Variants in EFR3A observed in about 807,000 individuals in gnomAD.
EFR3A encodes the protein EFR3 homolog A, also known as protein EFR3 homolog A.
Under a neutral mutation model 104.4 loss-of-function variants are expected in EFR3A, and 76 were observed. That is an observed-to-expected ratio of 0.73 (90% confidence interval 0.60 to 0.88). The LOEUF (loss-of-function observed/expected upper bound fraction) is 0.88. Among genes scored for constraint, EFR3A ranks in the 40% least tolerant of loss-of-function variants. The pLI, the probability that EFR3A is intolerant of heterozygous loss-of-function variation, is 0.00. For missense variants in EFR3A, 985 were observed against 1,012.5 expected (o/e 0.97, Z 0.37); for synonymous variants, 330 against 330.0 (o/e 1.00, Z 0.00).
chr8:131,955,983 T>A, intron 7 of EFR3A, 78 bp downstream of exon 7: 1 of 1,500,686 alleles, frequency 6.7e-7, no homozygotes, highest in Admixed American at 1.9e-5. Context: ...AGAGGACAAC[T>A]ACTTTTTTAC....
intron 16 of EFR3A, among the ~76,000 whole-genome samples, 162 bp downstream of exon 16, chr8:131,985,222 CT>C (rs1305561044): frequency 2.6e-5 from 4 of 152,060 alleles, no homozygotes; most frequent in African/African-American, 9.7e-5. Context: ...ACTGTAGCTA[CT>C]GTTTTTATAT....
chr8:131,915,343 C>T (rs1463841027), intron 1 of EFR3A, among the ~76,000 whole-genome samples: 1 of 152,160 alleles, frequency 6.6e-6, no homozygotes, highest in Non-Finnish European at 1.5e-5. Context: ...ATTTTATAAT[C>T]TCTTCTTGTA....
intron 3 of EFR3A, among the ~76,000 whole-genome samples, 168 bp from the exon 4 acceptor site, chr8:131,946,315 A>T (rs1818438035): frequency 6.6e-6 from 1 of 152,130 alleles, no homozygotes; most frequent in South Asian, 2.1e-4. Context: ...TATAACCTAC[A>T]AGATATTAGT....
chr8:131,920,751 G>A (rs1035723214), intron 1 of EFR3A, among the ~76,000 whole-genome samples: 7 of 151,822 alleles, frequency 4.6e-5, no homozygotes, highest in African/African-American at 1.7e-4. Context: ...GAGAGTACAG[G>A]CTTAGAGGCC....
intron 7 of EFR3A, among the ~76,000 whole-genome samples, chr8:131,957,060 T>G (rs1351482092): frequency 6.6e-6 from 1 of 152,180 alleles, no homozygotes; most frequent in African/African-American, 2.4e-5. Flanking sequence ...AGTTATATTC[T>G]TTTCTACATA....
chr8:131,949,602 A>G (rs1284358263), intron 4 of EFR3A, among the ~76,000 whole-genome samples: 1 of 152,058 alleles, frequency 6.6e-6, no homozygotes. Context: ...CCAGGAGTTC[A>G]AGAGCAGCCT....
intron 1 of EFR3A, among the ~76,000 whole-genome samples, chr8:131,928,943 C>G (rs1817445915): frequency 6.6e-6 from 1 of 152,054 alleles, no homozygotes; most frequent in Admixed American, 6.6e-5. Context: ...TCTTCTCTTT[C>G]TGCTCTTATT....
rs55809740 is a variant in EFR3A, at chr8:131,984,571, TG to T, written c.1737+278del. On this transcript the variant is annotated intron_variant, in intron 15 of 22. Transcript: ENST00000254624. ...GTCCCTGTATCCACACTTCCTACAC[TG>T]GGGGGGATAGTCATTAAATAAGAAT... 1.3e-3 allele frequency among the ~76,000 whole-genome samples: 200 copies of T among 152,112 alleles called. 1 individual carries two copies. The East Asian group carries it at 0.024, about 18-fold the overall frequency.
intron 11 of EFR3A, among the ~76,000 whole-genome samples, chr8:131,976,781 T>A (rs1318687993): frequency 6.6e-6 from 1 of 152,158 alleles, no homozygotes; most frequent in Non-Finnish European, 1.5e-5. Context: ...TGTCTGTTTA[T>A]ATGATTTAAT....
chr8:131,917,282 C>A (rs947031587), intron 1 of EFR3A, among the ~76,000 whole-genome samples: 1 of 152,240 alleles, frequency 6.6e-6, no homozygotes, highest in South Asian at 2.1e-4. Context: ...AGTAAGATTT[C>A]TTTCCCCTTA....
intron 5 of EFR3A, among the ~76,000 whole-genome samples, chr8:131,953,371 G>T (rs1196917753): frequency 6.6e-6 from 1 of 152,018 alleles, no homozygotes; most frequent in Non-Finnish European, 1.5e-5. Context: ...CTTCTATCTA[G>T]GTAGTCAAAG....
intron 2 of EFR3A, among the ~76,000 whole-genome samples, chr8:131,943,865 G>A (rs1451053043): frequency 6.6e-6 from 1 of 151,982 alleles, no homozygotes; most frequent in East Asian, 1.9e-4. Context: ...CTCTGGGAAA[G>A]AGAAGAGCTC....
chr8:131,937,886 G>A (rs2130539579), intron 1 of EFR3A, among the ~76,000 whole-genome samples: 1 of 151,632 alleles, frequency 6.6e-6, no homozygotes, highest in East Asian at 1.9e-4. Flanking sequence ...TCAGAAGCTA[G>A]GATAAGGAGG....
Position 131,953,958 on chromosome 8 carries a change from A to C in EFR3A, c.629A>C (p.Glu210Ala). The change falls in exon 6 of 23, where the codon GAA becomes GCA. Residue 210 changes from glutamate (E) to alanine (A), a missense_variant. Glu to Ala is a moderately radical substitution (Grantham distance 107). Coordinates refer to ENST00000254624, the MANE Select transcript of EFR3A (RefSeq NM_015137.6). ...CTGTTTAACATGCAAAAGATAGAAGAAGTTGACAGGTATTTAAAAAAATAT... is the reference window on the plus strand; with the variant it reads ...CTGTTTAACATGCAAAAGATAGAAGCAGTTGACAGGTATTTAAAAAAATAT... ...SLLFNMQKIE[E>A]VDSRIGPPSS... The C allele has an allele frequency of 6.5e-7, 1 of 1,543,392 alleles. No individual in the cohort carries two copies. The highest frequency in any genetic ancestry group is 8.7e-7 in the Non-Finnish European group (1 of 1,143,582).
Position 132,010,407 on chromosome 8 carries a change from GATATATATATATATATATAT to G in EFR3A, c.2361-359_2361-340del, listed in dbSNP as rs66644698. On this transcript the variant is annotated intron_variant, in intron 22 of 22. Coordinates refer to ENST00000254624, the MANE Select transcript of EFR3A (RefSeq NM_015137.6). Reference sequence around the variant, plus strand: ...GTTCTCTGGATTAAATCAAGTATGAGATATATATATATATATATATATATATATATATATATATATATAAT... The same window carrying G: ...GTTCTCTGGATTAAATCAAGTATGAGATATATATATATATATATATATAAT... Among the ~76,000 whole-genome samples the G allele has an allele frequency of 1.8e-3, 150 of 81,890 alleles. 5 individuals are homozygous for G. The highest frequency in any genetic ancestry group is 7.4e-3 in the Middle Eastern group (1 of 136). 53.7% of individuals were successfully genotyped at this position (81,890 alleles called of 152,430 possible).
chr8:131,918,424 G>T (rs866059988), intron 1 of EFR3A, among the ~76,000 whole-genome samples: 1 of 152,218 alleles, frequency 6.6e-6, no homozygotes, highest in Non-Finnish European at 1.5e-5. Context: ...AGATTGGAGA[G>T]AATATATCAG....
At chr8:131,948,013 G>A (rs1818519724) in intron 4 of EFR3A, among the ~76,000 whole-genome samples, 1 of 151,928 alleles carries the variant, frequency 6.6e-6, no homozygotes, top group South Asian at 2.1e-4. Flanking sequence ...TTTTTCTCTT[G>A]TCTTTAGTTT....
At position 131,970,168 on chromosome 8, in the gene EFR3A, A is replaced by G. The variant is rs1242760227; in HGVS notation, c.992-308A>G. ...TCCTAGTACACATTATTGTGAACAGATAAGATTAAATAGTTAGAAAGTTTT... is the reference window on the plus strand; with the variant it reads ...TCCTAGTACACATTATTGTGAACAGGTAAGATTAAATAGTTAGAAAGTTTT... On this transcript the variant is annotated intron_variant, in intron 9 of 22. Coordinates refer to ENST00000254624, the MANE Select transcript of EFR3A (RefSeq NM_015137.6). 3.9e-5 allele frequency among the ~76,000 whole-genome samples: 6 copies of G among 152,232 alleles called. No homozygotes were observed. The South Asian group carries it at 1.2e-3, about 31-fold the overall frequency.
chr8:131,973,496 A>G (rs1256283890), intron 10 of EFR3A, among the ~76,000 whole-genome samples: 4 of 152,202 alleles, frequency 2.6e-5, no homozygotes, highest in African/African-American at 9.7e-5. Context: ...GTGATACAGC[A>G]CATTCAGAAT....
Sources: allele counts gnomAD v4.1 joint callset (sites outside exome capture counted in the v4.1 genomes callset), GRCh38; gene constraint gnomAD v4.1.1; transcripts MANE v1.5; gene names NCBI Gene and HGNC (gene_info 2026-07-23, HGNC 2026-07-21).